Variants in CALY observed in about 807,000 individuals in gnomAD.
CALY encodes the protein neuron-specific vesicular protein calcyon.
CALY carries 15 observed loss-of-function variants against 20.2 expected under a neutral mutation model. That is an observed-to-expected ratio of 0.74 (90% CI 0.50 to 1.14). The LOEUF (loss-of-function observed/expected upper bound fraction) is 1.14, where lower values mean the gene tolerates loss of function less well. CALY is among the 50% of genes most tolerant of loss of function. CALY has a pLI of 0.00. For synonymous variants in CALY, 129 were observed against 131.8 expected (o/e 0.98, Z 0.15); for missense variants, 270 against 304.4 (o/e 0.89, Z 0.84).
At chr10:133,332,811 T>C (rs959708593) in intron 1 of CALY, among the ~76,000 whole-genome samples, 1 of 151,114 alleles carries the variant, frequency 6.6e-6, no homozygotes, top group Non-Finnish European at 1.5e-5. Flanking sequence ...CATAGGAGAG[T>C]GTTATGTGTA....
Position 133,328,923 on chromosome 10 carries a change from C to T in CALY, c.67G>A (p.Ala23Thr). 2 of 1,557,300 alleles carry T rather than the reference C, an allele frequency of 1.3e-6. No individual in the cohort carries two copies. The highest frequency in any genetic ancestry group is 1.7e-6 in the Non-Finnish European group (2 of 1,150,260). ...GKDPGDQDGA[A>T]MDSVPLISPL... ...CTGATCAGAGGCACACTGTCCATGG[C>T]AGCCCCATCCTGGTCCCCAGGGTCT... The change falls in exon 2 of 6, where the codon GCC becomes ACC. Residue 23 changes from alanine to threonine, a missense_variant. Transcript: ENST00000252939.
intron 3 of CALY, 95 bp from the exon 4 acceptor site, chr10:133,327,086 G>T: frequency 2.4e-6 from 2 of 840,284 alleles, no homozygotes; most frequent in Non-Finnish European, 3.9e-6. Context: ...GACCATCCCC[G>T]CCCTCCAGTC....
chr10:133,324,220 C>A lies in CALY; in HGVS notation c.*1375G>T. 1 of 388,030 alleles carries A rather than the reference C, an allele frequency of 2.6e-6. No homozygotes were observed. The highest frequency in any genetic ancestry group is 1.8e-5 in the South Asian group (1 of 55,698). The allele number at this position is 388,030 out of a possible 1,614,324, so 24.0% of individuals were successfully genotyped here. A position where few individuals can be genotyped will look rare whatever the true frequency, so the allele number is the denominator to read the frequency against. ...GTTCTGCGTGTGCTTGTTCATCTGGCCAATGCCCTTAGAAGCCCAGCAGTG... is the reference window on the plus strand; with the variant it reads ...GTTCTGCGTGTGCTTGTTCATCTGGACAATGCCCTTAGAAGCCCAGCAGTG... On this transcript the variant is annotated 3_prime_UTR_variant, in exon 6 of 6. Coordinates refer to ENST00000252939, the MANE Select transcript of CALY (RefSeq NM_015722.4).
intron 1 of CALY, among the ~76,000 whole-genome samples, chr10:133,334,560 G>GGA (rs149044079): frequency 2.7e-5 from 2 of 73,822 alleles, no homozygotes; most frequent in East Asian, 4.6e-4. Context: ...CTCTGAGGGG[G>GGA]AGGCTCTGAG....
intron 1 of CALY, among the ~76,000 whole-genome samples, chr10:133,335,511 C>T (rs1428008871): frequency 1.3e-5 from 2 of 152,204 alleles, no homozygotes. Flanking sequence ...GACGCGTCTT[C>T]AGGAAGAAAA....
Position 133,326,913 on chromosome 10 carries a change from C to A in CALY, c.325G>T (p.Asp109Tyr), listed in dbSNP as rs781364424. 6.2e-7 allele frequency: 1 copy of A among 1,610,432 alleles called. No individual in the cohort carries two copies. The highest frequency in any genetic ancestry group is 8.5e-7 in the Non-Finnish European group (1 of 1,179,182). ...VLIMYKAIWY[D>Y]QFTCPDGFLL... Reference sequence around the variant, plus strand: ...AAGCCGTCGGGGCAGGTGAACTGGTCGTACCAGATGGCCTTGTACATGATC... The same window carrying A: ...AAGCCGTCGGGGCAGGTGAACTGGTAGTACCAGATGGCCTTGTACATGATC... The change falls in exon 4 of 6, where the codon GAC becomes TAC. Residue 109 changes from aspartate to tyrosine, a missense_variant. Physicochemically the swap from Asp to Tyr is radical, Grantham distance 160. Transcript: ENST00000252939.
At chr10:133,328,647 G>A (rs76357573) in intron 2 of CALY, among the ~76,000 whole-genome samples, 129 of 152,366 alleles carry the variant, frequency 8.5e-4, no homozygotes, top group Admixed American at 1.8e-3. Context: ...TTACCCATCA[G>A]CCAGTTTGCC....
At chr10:133,331,286 C>T (rs1243898633) in intron 1 of CALY, among the ~76,000 whole-genome samples, 1 of 152,132 alleles carries the variant, frequency 6.6e-6, no homozygotes, top group Non-Finnish European at 1.5e-5. Context: ...TGCTGTAGGG[C>T]AGGACAAAGA....
intron 1 of CALY, among the ~76,000 whole-genome samples, chr10:133,333,045 G>T (rs1443559007): frequency 3.3e-5 from 5 of 151,858 alleles, no homozygotes; most frequent in Non-Finnish European, 5.9e-5. Context: ...CCAATTAACT[G>T]CCAGAGCCAG....
rs942229749 is a variant in CALY at position 133,324,743 on chromosome 10, G to A, written c.*852C>T. 26 of 207,122 alleles carry A rather than the reference G, an allele frequency of 1.3e-4. 1 individual carries two copies. The highest frequency in any genetic ancestry group is 9.4e-4 in the Admixed American group (12 of 12,830). The allele number at this position is 207,122 out of a possible 1,614,324, so 12.8% of individuals were successfully genotyped here. ...TCAGTGCCGGGAGTTGGCTGGGGCT[G>A]GGGTGGGGATGCTGGGGCTGGGGTG... On this transcript the variant is annotated 3_prime_UTR_variant, in exon 6 of 6. Coordinates refer to ENST00000252939, the MANE Select transcript of CALY (RefSeq NM_015722.4).
chr10:133,330,502 C>CA (rs1201162292), intron 1 of CALY, among the ~76,000 whole-genome samples: 1 of 146,820 alleles, frequency 6.8e-6, no homozygotes, highest in East Asian at 2.0e-4. Context: ...CTAAAAAATA[C>CA]AAAAAATTAG....
chr10:133,334,509 G>C (rs1325641785), intron 1 of CALY, among the ~76,000 whole-genome samples: 2 of 116,448 alleles, frequency 1.7e-5, no homozygotes, highest in African/African-American at 7.0e-5. Context: ...AGGATCTGAG[G>C]GGCGAAGGAT....
rs1337294028 is a variant in CALY, at chr10:133,325,992, C to T, written c.489G>A (p.Ala163=). 3.2e-6 allele frequency: 5 copies of T among 1,562,220 alleles called. No homozygotes were observed. The highest frequency in any genetic ancestry group is 4.3e-6 in the Non-Finnish European group (5 of 1,153,322). ...LSRKHGTETP[A]AWGDGYRAAK... ...CTGCGCGGTAGCCGTCCCCCCAGGCCGCCGGCGTCTCCGTGCCGTGCTTGC... is the reference window on the plus strand; with the variant it reads ...CTGCGCGGTAGCCGTCCCCCCAGGCTGCCGGCGTCTCCGTGCCGTGCTTGC... The change falls in exon 5 of 6, where the codon GCG becomes GCA. Residue 163 remains alanine, a synonymous_variant. Coordinates refer to ENST00000252939, the MANE Select transcript of CALY (RefSeq NM_015722.4).
chr10:133,327,476 A>G lies in CALY; in HGVS notation c.246+429T>C, dbSNP rs114342409. The G allele has an allele frequency of 1.8e-3, 997 of 561,808 alleles. 8 individuals carry two copies. Among genetic ancestry groups the G allele is most frequent in the African/African-American group, 0.017 (924 of 53,258 alleles). The allele number at this position is 561,808 out of a possible 1,614,324, so 34.8% of individuals were successfully genotyped here. A position where few individuals can be genotyped will look rare whatever the true frequency, so the allele number is the denominator to read the frequency against. On this transcript the variant is annotated intron_variant, in intron 3 of 5. Transcript: ENST00000252939. ...CTGGAGAATGGAAGGCTTTGGAAAC[A>G]GTCCACTAAAAATGACTAAAGCTAT...
chr10:133,331,622 G>A (rs2133381143), intron 1 of CALY, among the ~76,000 whole-genome samples: 1 of 152,338 alleles, frequency 6.6e-6, no homozygotes, highest in East Asian at 1.9e-4. Flanking sequence ...ACTGTCGACA[G>A]AGACCAAGAA....
intron 1 of CALY, among the ~76,000 whole-genome samples, chr10:133,331,329 ACT>A (rs1227178682): frequency 6.6e-6 from 1 of 152,132 alleles, no homozygotes; most frequent in Non-Finnish European, 1.5e-5. Flanking sequence ...AAAAAGTAAA[ACT>A]CTGATTGATT....
chr10:133,331,142 T>G (rs1031953280), intron 1 of CALY, among the ~76,000 whole-genome samples: 1 of 152,208 alleles, frequency 6.6e-6, no homozygotes, highest in African/African-American at 2.4e-5. Context: ...ATTAGTGCAT[T>G]AAGGCAGGAG....
chr10:133,332,455 C>A (rs1848325331), intron 1 of CALY, among the ~76,000 whole-genome samples: 1 of 152,178 alleles, frequency 6.6e-6, no homozygotes, highest in Non-Finnish European at 1.5e-5. Flanking sequence ...GGAAATGTTT[C>A]TTCATTAGGA....
Position 133,326,887 on chromosome 10 carries a change from G to A in CALY, c.351C>T (p.Phe117=). The change falls in exon 4 of 6, where the codon TTC becomes TTT. Residue 117 remains phenylalanine, a synonymous_variant. Transcript: ENST00000252939. Reference sequence around the variant, plus strand: ...GCCCTGGCCCCCTTACCCGCAGCAGGAAGCCGTCGGGGCAGGTGAACTGGT... The same window carrying A: ...GCCCTGGCCCCCTTACCCGCAGCAGAAAGCCGTCGGGGCAGGTGAACTGGT... ...WYDQFTCPDG[F]LLRHKICTPL... 1.2e-6 allele frequency: 2 copies of A among 1,605,672 alleles called. No individual in the cohort carries two copies.
Sources: gnomAD v4.1 joint callset for allele counts (sites outside exome capture counted in the v4.1 genomes callset) on GRCh38, gnomAD v4.1.1 for gene constraint, MANE v1.5 for transcripts, NCBI Gene and HGNC (gene_info 2026-07-23, HGNC 2026-07-21) for gene names.